The following KCNH5 variants were observed in gnomAD, a reference collection of about 807,000 sequenced individuals.
KCNH5 encodes the protein voltage-gated delayed rectifier potassium channel KCNH5.
A neutral mutation model predicts 96.1 loss-of-function variants in KCNH5; 46 were observed. The observed-to-expected ratio is 0.48, with a 90% CI of 0.38 to 0.61. The LOEUF (loss-of-function observed/expected upper bound fraction) is 0.61, where lower values mean the gene tolerates loss of function less well. KCNH5 is among the 20% of genes least tolerant of loss of function. KCNH5 has a pLI of 0.00. For missense variants in KCNH5, 907 were observed against 1,225.8 expected (o/e 0.74, Z 3.88); for synonymous variants, 439 against 449.8 (o/e 0.98, Z 0.30).
intron 1 of KCNH5, among the ~76,000 whole-genome samples, chr14:63,017,394 A>C (rs59763288): frequency 6.6e-6 from 1 of 151,886 alleles, no homozygotes; most frequent in South Asian, 2.1e-4. Context: ...TTATATTAAT[A>C]TATTGCTGAC....
intron 6 of KCNH5, among the ~76,000 whole-genome samples, chr14:62,974,595 C>T (rs753423263): frequency 1.5e-4 from 23 of 152,046 alleles, no homozygotes; most frequent in Non-Finnish European, 3.2e-4. Context: ...CCTAGTAAAC[C>T]AAACTACCTT....
At chr14:62,945,388 C>T (rs1053313897) in intron 7 of KCNH5, among the ~76,000 whole-genome samples, 15 of 152,230 alleles carry the variant, frequency 9.9e-5, no homozygotes, top group Middle Eastern at 3.4e-3. Context: ...TTTGCTGGCA[C>T]GTACTTGATC....
Position 62,702,343 on chromosome 14 carries a change from T to A in KCNH5, c.*5165A>T, listed in dbSNP as rs1473116832. On this transcript the variant is annotated 3_prime_UTR_variant, in exon 11 of 11. Transcript: ENST00000322893. The stretch of plus-strand genomic sequence containing the variant: ...TTTACATTCACATTATCGAGTGCAA[T>A]TTTTAAGAATTATTTTAAGAAATCT... 1 of 152,068 alleles carries A rather than the reference T, an allele frequency of 6.6e-6. No homozygotes were observed. The highest frequency in any genetic ancestry group is 1.5e-5 in the Non-Finnish European group (1 of 67,924). The allele number at this position is 152,068 out of a possible 1,614,324, so 9.4% of individuals were successfully genotyped here.
intron 10 of KCNH5, among the ~76,000 whole-genome samples, chr14:62,761,225 GGC>G (rs908491467): frequency 1.3e-5 from 2 of 150,944 alleles, no homozygotes; most frequent in African/African-American, 2.5e-5. Context: ...TGTGGTGGCG[GGC>G]GCTTGTAATC....
chr14:63,002,520 G>A (rs74377691), intron 3 of KCNH5, among the ~76,000 whole-genome samples: 166 of 152,252 alleles, frequency 1.1e-3, no homozygotes, highest in Non-Finnish European at 2.0e-3. Flanking sequence ...TTTTTGTAAG[G>A]TTTAGGATTT....
chr14:62,733,104 C>T (rs150724244), intron 10 of KCNH5, among the ~76,000 whole-genome samples: 79 of 152,198 alleles, frequency 5.2e-4, no homozygotes, highest in African/African-American at 1.9e-3. Context: ...TGTTTTTTAG[C>T]CAAGCCCAGA....
chr14:62,881,720 T>C (rs1170649554), intron 7 of KCNH5, among the ~76,000 whole-genome samples: 2 of 150,014 alleles, frequency 1.3e-5, no homozygotes, highest in African/African-American at 4.8e-5. Context: ...AACAGTACTC[T>C]GCATGGTTGA....
chr14:62,903,634 C>T (rs1372062564), intron 7 of KCNH5, among the ~76,000 whole-genome samples: 1 of 152,066 alleles, frequency 6.6e-6, no homozygotes, highest in Non-Finnish European at 1.5e-5. Flanking sequence ...AAAATAGAAT[C>T]TAGAAGTAGC....
intron 1 of KCNH5, among the ~76,000 whole-genome samples, chr14:63,022,781 T>C (rs1204076121): frequency 6.6e-6 from 1 of 152,188 alleles, no homozygotes; most frequent in South Asian, 2.1e-4. Context: ...TCAATTGACA[T>C]GACCTCAGGG....
intron 7 of KCNH5, among the ~76,000 whole-genome samples, chr14:62,918,983 G>C (rs1451070830): frequency 6.6e-6 from 1 of 151,922 alleles, no homozygotes; most frequent in Non-Finnish European, 1.5e-5. Flanking sequence ...CTTAAATAAA[G>C]AATGTTACAG....
intron 7 of KCNH5, among the ~76,000 whole-genome samples, chr14:62,910,019 C>A (rs1305155664): frequency 6.6e-6 from 1 of 151,938 alleles, no homozygotes; most frequent in African/African-American, 2.4e-5. Flanking sequence ...ACTAACGTAA[C>A]TCAAGTGCCT....
intron 7 of KCNH5, among the ~76,000 whole-genome samples, chr14:62,903,908 T>G (rs1459736216): frequency 6.7e-6 from 1 of 149,788 alleles, no homozygotes; most frequent in African/African-American, 2.5e-5. Context: ...ATAAATCATA[T>G]TTTTTTATTT....
chr14:62,957,121 C>T (rs1429717872), intron 6 of KCNH5, among the ~76,000 whole-genome samples: 1 of 152,170 alleles, frequency 6.6e-6, no homozygotes, highest in East Asian at 1.9e-4. Flanking sequence ...CTTGACAAGC[C>T]CCTCAGGCCA....
chr14:62,902,988 G>A (rs769902947), intron 7 of KCNH5, among the ~76,000 whole-genome samples: 2 of 152,112 alleles, frequency 1.3e-5, no homozygotes, highest in African/African-American at 4.8e-5. Flanking sequence ...CAAGTGCTGG[G>A]ATTACAGGCA....
At chr14:62,785,180 T>C (rs149262982) in intron 9 of KCNH5, among the ~76,000 whole-genome samples, 1,865 of 152,286 alleles carry the variant, frequency 0.012, 37 homozygotes, top group African/African-American at 0.042. Context: ...ACTTTTACCG[T>C]GTTTCTGGGA....
intron 7 of KCNH5, among the ~76,000 whole-genome samples, chr14:62,913,104 T>A (rs894248074): frequency 3.3e-5 from 5 of 152,246 alleles, no homozygotes; most frequent in African/African-American, 9.6e-5. Flanking sequence ...TGGGGTAAGT[T>A]AGTGATTTGT....
intron 7 of KCNH5, among the ~76,000 whole-genome samples, chr14:62,892,867 A>T (rs1402633621): frequency 6.6e-6 from 1 of 151,500 alleles, no homozygotes; most frequent in African/African-American, 2.4e-5. Flanking sequence ...CCCCCCAAAA[A>T]TTTTTTTTTC....
chr14:62,787,027 G>C (rs1886334054), intron 9 of KCNH5, among the ~76,000 whole-genome samples: 1 of 152,064 alleles, frequency 6.6e-6, no homozygotes, highest in Non-Finnish European at 1.5e-5. Flanking sequence ...CAAGCAAAAG[G>C]AAGAGTCACA....
chr14:62,853,453 A>AATCATATATATATATATATATATAT (rs1396487157), intron 7 of KCNH5, among the ~76,000 whole-genome samples: 39 of 30,368 alleles, frequency 1.3e-3, no homozygotes, highest in African/African-American at 4.2e-3. Context: ...CAAAAAGAAT[A>AATCATATATATATATATATATATAT]ATCATATATA....
Sources: gnomAD v4.1 joint callset for allele counts (sites outside exome capture counted in the v4.1 genomes callset) on GRCh38, gnomAD v4.1.1 for gene constraint, MANE v1.5 for transcripts, NCBI Gene and HGNC (gene_info 2026-07-23, HGNC 2026-07-21) for gene names.